The following ACVR2B variants were observed in gnomAD, a reference collection of about 807,000 sequenced individuals.
ACVR2B encodes activin A receptor type 2B, also known as activin receptor type-2B.
ACVR2B carries 18 observed loss-of-function variants against 65.1 expected under a neutral mutation model. That is an observed-to-expected ratio of 0.28 (90% confidence interval 0.19 to 0.41). The LOEUF (loss-of-function observed/expected upper bound fraction) is 0.41. ACVR2B is among the 10% of genes least tolerant of loss of function. ACVR2B has a pLI of 1.00. For missense variants in ACVR2B, 482 were observed against 682.7 expected, an observed-to-expected ratio of 0.71 and a Z score of 3.28; for synonymous variants, 298 against 277.7, an observed-to-expected ratio of 1.07 and a Z score of -0.73.
In ACVR2B at chr3:38,479,199, G is replaced by A; in HGVS notation, c.738G>A (p.Gln246=). The change falls in exon 6 of 11, where the codon CAG becomes CAA. Residue 246 remains glutamine, a synonymous_variant. Transcript: ENST00000352511. Reference sequence around the variant, plus strand: ...GCATGAAGCACGAGAACCTGCTACAGTTCATTGCTGCCGAGAAGCGAGGCT... The same window carrying A: ...GCATGAAGCACGAGAACCTGCTACAATTCATTGCTGCCGAGAAGCGAGGCT... The part of the protein sequence containing the change: ...TPGMKHENLL[Q]FIAAEKRGSN... The A allele has an allele frequency of 6.2e-7, 1 of 1,614,242 alleles. No individual in the cohort carries two copies. The highest frequency in any genetic ancestry group is 8.5e-7 in the Non-Finnish European group (1 of 1,180,036).
Position 38,465,596 on chromosome 3 carries a change from G to A in ACVR2B, c.52+11222G>A, listed in dbSNP as rs542953149. 2.6e-5 allele frequency among the ~76,000 whole-genome samples: 4 copies of A among 152,230 alleles called. No individual in the cohort carries two copies. The East Asian group carries it at 7.7e-4, about 29-fold the overall frequency. ...AACTGTATAGAGCATTAGTGAATTG[G>A]ATGATAGATCAGAAGAAGATATAAA... On this transcript the variant is annotated intron_variant, in intron 1 of 10. Transcript: ENST00000352511.
At chr3:38,460,332 G>T (rs936885256) in intron 1 of ACVR2B, among the ~76,000 whole-genome samples, 1 of 152,136 alleles carries the variant, frequency 6.6e-6, no homozygotes, top group Non-Finnish European at 1.5e-5. Context: ...GGTCCTGGGG[G>T]TACTGCTACT....
intron 1 of ACVR2B, chr3:38,475,919 G>A (rs1709899283): frequency 5.2e-5 from 8 of 152,428 alleles, no homozygotes; most frequent in Admixed American, 5.2e-4. Context: ...GAGAAGACCA[G>A]CCAGGAGTGG....
In ACVR2B at chr3:38,481,272, C is replaced by T. The variant is rs887874895; in HGVS notation, c.960-79C>T. 11 of 1,248,448 alleles carry T rather than the reference C, an allele frequency of 8.8e-6. No homozygotes were observed. Among genetic ancestry groups the T allele is most frequent in the East Asian group, 7.0e-5 (3 of 42,996 alleles). 77.3% of individuals were successfully genotyped at this position (1,248,448 alleles called of 1,614,324 possible). On this transcript the variant is annotated intron_variant, in intron 7 of 10. Transcript: ENST00000352511. This position sits in a 1 kb window ranked among gnomAD's most constrained non-coding sequence, Gnocchi z 4.7. ...TGGTCTGGGGCCTGACTCTAGGGCA[C>T]AGACTCTAGTATCTTGGGAACCAAG...
chr3:38,477,428 ACAG>A lies in ACVR2B; in HGVS notation c.196_198del (p.Ser67del), dbSNP rs764549232. ...CTGCACTGCTACGCCTCCTGGCGCA[ACAG>A]CTCTGGCACCATCGAGCTCGTGAAG... On this transcript the variant is annotated inframe_deletion, in exon 2 of 11. Transcript: ENST00000352511. This position sits in a 1 kb window ranked among gnomAD's most constrained non-coding sequence, Gnocchi z 6.7. The A allele has an allele frequency of 5.6e-6, 9 of 1,614,182 alleles. No homozygotes were observed.
intron 8 of ACVR2B, 90 bp from the exon 9 acceptor site, chr3:38,482,108 A>C (rs1178177019): frequency 1.9e-6 from 3 of 1,582,856 alleles, no homozygotes; most frequent in Admixed American, 1.7e-5. Flanking sequence ...CTTGCCCGCC[A>C]TCTGGTGCAC....
chr3:38,455,837 T>C (rs62239934), intron 1 of ACVR2B, among the ~76,000 whole-genome samples: 9,260 of 152,200 alleles, frequency 0.061, 451 homozygotes, highest in East Asian at 0.19. Context: ...AGGGGAGGCA[T>C]TGGTCTGCTA....
chr3:38,481,209 C>T lies in ACVR2B; in HGVS notation c.960-142C>T. 2.6e-6 allele frequency: 2 copies of T among 755,188 alleles called. No homozygotes were observed. Among genetic ancestry groups the T allele is most frequent in the Middle Eastern group, 2.6e-4 (1 of 3,798 alleles). 46.8% of individuals were successfully genotyped at this position (755,188 alleles called of 1,614,324 possible). On this transcript the variant is annotated intron_variant, in intron 7 of 10. Transcript: ENST00000352511. This position sits in a 1 kb window ranked among gnomAD's most constrained non-coding sequence, Gnocchi z 4.7. ...CGGCGCCTGCAGCTGCCTGCTTGTG[C>T]TGCTTCACCTCTGCACCCCAGGTAG... is the stretch of plus-strand genomic sequence containing the variant.
At chr3:38,480,663 T>C (rs1000123974) in intron 7 of ACVR2B, among the ~76,000 whole-genome samples, 4 of 152,358 alleles carry the variant, frequency 2.6e-5, no homozygotes, top group African/African-American at 9.6e-5. Flanking sequence ...GAAGGTAGAC[T>C]GTATGAAATT....
chr3:38,489,330 T>C lies in ACVR2B; in HGVS notation c.*5998T>C, dbSNP rs1044533053. The C allele has an allele frequency of 5.2e-5, 8 of 152,784 alleles. No individual in the cohort carries two copies. The highest frequency in any genetic ancestry group is 1.7e-4 in the African/African-American group (7 of 41,592). 9.5% of individuals were successfully genotyped at this position (152,784 alleles called of 1,614,324 possible). A position where few individuals can be genotyped will look rare whatever the true frequency, so the allele number is the denominator to read the frequency against. The stretch of plus-strand genomic sequence containing the variant: ...TGTGGAGATTGTTTTATACCACAGA[T>C]TATTTTTATAAAGTTAGTGAATTTG... On this transcript the variant is annotated 3_prime_UTR_variant, in exon 11 of 11. Transcript: ENST00000352511.
chr3:38,483,078 C>CT lies in ACVR2B; in HGVS notation c.1345-56dup. ...ATATCAAGTTTACTGTCCCCCAAAG[C>CT]TTTTCCTCACTGAAGGGTCCTAACA... On this transcript the variant is annotated intron_variant, in intron 10 of 10. Coordinates refer to ENST00000352511, the MANE Select transcript of ACVR2B (RefSeq NM_001106.4). This position sits in a 1 kb window ranked among gnomAD's most constrained non-coding sequence, Gnocchi z 4.8. 1 of 1,595,408 alleles carries CT rather than the reference C, an allele frequency of 6.3e-7. No individual in the cohort carries two copies. Among genetic ancestry groups the CT allele is most frequent in the Non-Finnish European group, 8.6e-7 (1 of 1,163,640 alleles).
chr3:38,457,697 G>C (rs1327327081), intron 1 of ACVR2B, among the ~76,000 whole-genome samples: 2 of 152,214 alleles, frequency 1.3e-5, no homozygotes, highest in Admixed American at 1.3e-4. Flanking sequence ...TAAGTGAAGT[G>C]ACCAGAGCTC....
At chr3:38,482,365 TA>T in intron 9 of ACVR2B, 29 bp downstream of exon 9, 1 of 1,609,412 alleles carries the variant, frequency 6.2e-7, no homozygotes, top group Non-Finnish European at 8.5e-7. Flanking sequence ...CTGGGCATCC[TA>T]GATTGAGTGA....
chr3:38,481,548 A>C lies in ACVR2B; in HGVS notation c.1074+83A>C, dbSNP rs140094697. 0.04 allele frequency: 44,276 copies of C among 1,098,196 alleles called. 1,074 individuals carry two copies. The highest frequency in any genetic ancestry group is 0.052 in the Non-Finnish European group (37,174 of 715,664). 68.0% of individuals were successfully genotyped at this position (1,098,196 alleles called of 1,614,324 possible). On this transcript the variant is annotated intron_variant, in intron 8 of 10. Coordinates refer to ENST00000352511, the MANE Select transcript of ACVR2B (RefSeq NM_001106.4). This position sits in a 1 kb window ranked among gnomAD's most constrained non-coding sequence, Gnocchi z 4.7. ...TTTTTGTGCTCAGCTGGGGAGGTGC[A>C]GGGATGAGGGTGACTGCATGCGTTC... is the stretch of plus-strand genomic sequence containing the variant.
At chr3:38,464,556 C>T (rs78868779) in intron 1 of ACVR2B, among the ~76,000 whole-genome samples, 3,501 of 139,970 alleles carry the variant, frequency 0.025, 146 homozygotes, top group African/African-American at 0.081. Context: ...GAACAAAGGC[C>T]TAGGGTGATG....
rs756801382 is a variant in ACVR2B at position 38,482,243 on chromosome 3, A to G, written c.1120A>G (p.Ile374Val). 6.2e-7 allele frequency: 1 copy of G among 1,613,604 alleles called. No homozygotes were observed. The highest frequency in any genetic ancestry group is 8.5e-7 in the Non-Finnish European group (1 of 1,179,924). Residue 374 changes from isoleucine (I) to valine (V), a missense_variant, in exon 9 of 11, where the codon ATC becomes GTC. Coordinates refer to ENST00000352511, the MANE Select transcript of ACVR2B (RefSeq NM_001106.4). The stretch of plus-strand genomic sequence containing the variant: ...GGCTCCTGAGGTGCTCGAGGGAGCC[A>G]TCAACTTCCAGAGAGATGCCTTCCT... ...YMAPEVLEGAINFQRDAFLRI... is the reference protein window; with the variant it reads ...YMAPEVLEGAVNFQRDAFLRI...
At chr3:38,479,404 A>C in intron 6 of ACVR2B, 133 bp downstream of exon 6, 1 of 1,363,650 alleles carries the variant, frequency 7.3e-7, no homozygotes, top group Non-Finnish European at 1.0e-6. Flanking sequence ...ACTATCCACT[A>C]TGGGGTTACT....
chr3:38,463,404 A>T (rs1709680952), intron 1 of ACVR2B, among the ~76,000 whole-genome samples: 1 of 152,192 alleles, frequency 6.6e-6, no homozygotes, highest in East Asian at 1.9e-4. Flanking sequence ...ACCTGTAGAA[A>T]AACTATTTTA....
At position 38,483,038 on chromosome 3, in the gene ACVR2B, G is replaced by C. The variant is rs1281665947; in HGVS notation, c.1345-100G>C. The C allele has an allele frequency of 2.2e-5, 31 of 1,419,446 alleles. No individual in the cohort carries two copies. The East Asian group carries it at 7.1e-4, about 32-fold the overall frequency. 87.9% of individuals were successfully genotyped at this position (1,419,446 alleles called of 1,614,324 possible). ...GCTGTGGTTGGGGCTGGTGGGCTCTGCCTGATCCTTGGGAATATCAAGTTT... is the reference window on the plus strand; with the variant it reads ...GCTGTGGTTGGGGCTGGTGGGCTCTCCCTGATCCTTGGGAATATCAAGTTT... On this transcript the variant is annotated intron_variant, in intron 10 of 10. Coordinates refer to ENST00000352511, the MANE Select transcript of ACVR2B (RefSeq NM_001106.4). The surrounding 1 kb of genome is among the most constrained non-coding windows in gnomAD (Gnocchi z 4.8).
Sources: allele counts gnomAD v4.1 joint callset (sites outside exome capture counted in the v4.1 genomes callset), GRCh38; gene constraint gnomAD v4.1.1; non-coding constraint Gnocchi (gnomAD v3.1); transcripts MANE v1.5; gene names NCBI Gene and HGNC (gene_info 2026-07-23, HGNC 2026-07-21).